The following UNC13C variants were observed in gnomAD, a reference collection of about 807,000 sequenced individuals.
The protein encoded by UNC13C is protein unc-13 homolog C.
Under a neutral mutation model 245.4 loss-of-function variants are expected in UNC13C, and 174 were observed. That is an observed-to-expected ratio of 0.71 (90% CI 0.63 to 0.80). The LOEUF (loss-of-function observed/expected upper bound fraction) is 0.80. Among genes scored for constraint, UNC13C ranks in the 30% least tolerant of loss-of-function variants. The pLI is 0.00. For synonymous variants in UNC13C, 992 were observed against 895.1 expected, an observed-to-expected ratio of 1.11 and a Z score of -1.93; for missense variants, 2,829 against 2,602.9, an observed-to-expected ratio of 1.09 and a Z score of -1.89.
At chr15:54,132,665 T>C (rs2031499345) in intron 2 of UNC13C, among the ~76,000 whole-genome samples, 1 of 152,240 alleles carries the variant, frequency 6.6e-6, no homozygotes, top group Admixed American at 6.5e-5. Context: ...CCCTCTGATT[T>C]CATTAATGAT....
rs769532196 is a variant in UNC13C, at chr15:54,627,016, C to G, written c.6548C>G (p.Thr2183Ser). 2.0e-5 allele frequency: 32 copies of G among 1,613,228 alleles called. No individual in the cohort carries two copies. The highest frequency in any genetic ancestry group is 2.7e-5 in the Non-Finnish European group (32 of 1,179,584). ...KNISMDETGL[T>S]ILRILSQRTS... ...ATCTCTATGGATGAAACTGGTTTGA[C>G]TATCCTTAGAATACTCTCTCAGAGG... Residue 2183 changes from threonine (T) to serine (S), a missense_variant, in exon 33 of 33, where the codon ACT becomes AGT. By Grantham distance (58) the Thr-to-Ser change is moderately conservative. Transcript: ENST00000260323.
chr15:54,533,337 C>T (rs1347447403), intron 26 of UNC13C, among the ~76,000 whole-genome samples: 2 of 152,100 alleles, frequency 1.3e-5, no homozygotes, highest in Non-Finnish European at 2.9e-5. Flanking sequence ...TGTTCTGAGG[C>T]AGAGAAAGAT....
At chr15:53,913,396 G>A in the UNC13C span, 4 of 152,254 alleles carry the variant, frequency 2.6e-5, no homozygotes, top group Admixed American at 1.3e-4. Context: ...TTATGCAAGG[G>A]AGCTGAGCTC....
intron 13 of UNC13C, chr15:54,321,326 T>G (rs3907904): frequency 3.0e-5 from 14 of 464,230 alleles, no homozygotes; most frequent in South Asian, 1.3e-4. Flanking sequence ...TTGGGTGATG[T>G]CCTTCAATGT....
chr15:53,987,016 C>T (rs887349621), intron 1 of UNC13C, among the ~76,000 whole-genome samples: 3 of 152,004 alleles, frequency 2.0e-5, no homozygotes, highest in African/African-American at 7.2e-5. Flanking sequence ...GAGGATACTA[C>T]TTATAGATTG....
At chr15:54,401,280 C>T (rs78031421) in intron 18 of UNC13C, among the ~76,000 whole-genome samples, 18,039 of 151,878 alleles carry the variant, frequency 0.12, 1,541 homozygotes, top group East Asian at 0.39. Flanking sequence ...TGCCAGTCAC[C>T]GTGCAAGGCT....
At chr15:54,161,117 G>A (rs922520558) in intron 4 of UNC13C, among the ~76,000 whole-genome samples, 2 of 152,042 alleles carry the variant, frequency 1.3e-5, no homozygotes, top group Non-Finnish European at 2.9e-5. Flanking sequence ...TAACTATTTA[G>A]AAATAGGATC....
At chr15:54,291,377 G>T (rs1327179829) in intron 10 of UNC13C, among the ~76,000 whole-genome samples, 1 of 151,832 alleles carries the variant, frequency 6.6e-6, no homozygotes, top group East Asian at 1.9e-4. Context: ...CTCAAACTTA[G>T]ATATTTTTAT....
chr15:53,946,766 A>C, the UNC13C span, among the ~76,000 whole-genome samples: 47,133 of 143,586 alleles, frequency 0.33, 7,500 homozygotes, highest in Middle Eastern at 0.38. Flanking sequence ...TGTGGTTTTC[A>C]TTTTAGTTCT....
At position 54,161,210 on chromosome 15, in the gene UNC13C, G is replaced by A. The variant is rs139411845; in HGVS notation, c.3071+17526G>A. ...ATTTCTCATGCTCAAGTTATCCTCCGACCTCAGCCTCCCAAATAGCCGAGA... is the reference window on the plus strand; with the variant it reads ...ATTTCTCATGCTCAAGTTATCCTCCAACCTCAGCCTCCCAAATAGCCGAGA... On this transcript the variant is annotated intron_variant, in intron 4 of 32. Transcript: ENST00000260323. 2.7e-4 allele frequency among the ~76,000 whole-genome samples: 41 copies of A among 152,052 alleles called. 1 individual carries two copies. The highest frequency in any genetic ancestry group is 8.9e-4 in the African/African-American group (37 of 41,474).
intron 4 of UNC13C, among the ~76,000 whole-genome samples, chr15:54,229,326 C>T (rs1393916302): frequency 6.6e-6 from 1 of 152,106 alleles, no homozygotes; most frequent in Non-Finnish European, 1.5e-5. Flanking sequence ...ATTATAATTG[C>T]TCACCTGATT....
intron 19 of UNC13C, among the ~76,000 whole-genome samples, chr15:54,445,861 C>T (rs922172238): frequency 6.6e-6 from 1 of 151,998 alleles, no homozygotes; most frequent in Non-Finnish European, 1.5e-5. Flanking sequence ...ACATGAAGTC[C>T]TTGCCCATGC....
intron 17 of UNC13C, among the ~76,000 whole-genome samples, chr15:54,352,725 C>T (rs2039012376): frequency 6.6e-6 from 1 of 152,026 alleles, no homozygotes; most frequent in Non-Finnish European, 1.5e-5. Context: ...AATCCAATTT[C>T]CCCTTGCTCT....
intron 18 of UNC13C, among the ~76,000 whole-genome samples, chr15:54,414,298 C>G (rs958491708): frequency 7.2e-5 from 11 of 152,090 alleles, no homozygotes; most frequent in African/African-American, 2.7e-4. Flanking sequence ...TTTTTAGTGT[C>G]ATATGGTGTT....
At chr15:53,975,174 T>A (rs1462418689), upstream of UNC13C, among the ~76,000 whole-genome samples, 1 of 152,268 alleles carries the variant, frequency 6.6e-6, no homozygotes, top group African/African-American at 2.4e-5. Context: ...TGACCCATAC[T>A]TTAATGGAAA....
chr15:54,144,330 G>A (rs1179429864), intron 4 of UNC13C, among the ~76,000 whole-genome samples: 1 of 11,518 alleles, frequency 8.7e-5, no homozygotes, highest in Non-Finnish European at 1.8e-3. Context: ...TTTGCATCGT[G>A]GTTTTTTTTT....
Position 54,460,550 on chromosome 15 carries a change from G to C in UNC13C, c.4934-34058G>C, listed in dbSNP as rs117669229. Among the ~76,000 whole-genome samples, 339 of 152,312 alleles carry C rather than the reference G, an allele frequency of 2.2e-3. 1 individual carries two copies. Among genetic ancestry groups the C allele is most frequent in the Non-Finnish European group, 3.7e-3 (249 of 68,020 alleles). ...GCCAGGAAGTGGCACTTTCAAGAGA[G>C]CACCAGCTCCAGTAATAGAAGGGGG... On this transcript the variant is annotated intron_variant, in intron 19 of 32. Coordinates refer to ENST00000260323, the MANE Select transcript of UNC13C (RefSeq NM_001080534.3).
intron 18 of UNC13C, among the ~76,000 whole-genome samples, chr15:54,403,674 A>G (rs764078673): frequency 1.9e-4 from 26 of 137,062 alleles, no homozygotes; most frequent in Non-Finnish European, 2.9e-4. Flanking sequence ...CCAAGGCAAC[A>G]CTCTGAGCAA....
chr15:54,371,369 A>C (rs1024455352), intron 17 of UNC13C, among the ~76,000 whole-genome samples: 15 of 152,164 alleles, frequency 9.9e-5, no homozygotes, highest in African/African-American at 2.9e-4. Flanking sequence ...ATAGAATATA[A>C]GCTCTTAGGT....
Sources: gnomAD v4.1 joint callset for allele counts (sites outside exome capture counted in the v4.1 genomes callset) on GRCh38, gnomAD v4.1.1 for gene constraint, MANE v1.5 for transcripts, NCBI Gene and HGNC (gene_info 2026-07-23, HGNC 2026-07-21) for gene names.